Variants in CLPB observed in about 807,000 individuals in gnomAD.
CLPB encodes the protein ClpB family mitochondrial disaggregase.
In CLPB, 40 loss-of-function variants were observed where a neutral mutation model predicts 78.4. The observed-to-expected ratio is 0.51, with a 90% CI of 0.40 to 0.66. The LOEUF is 0.66. Ranked by LOEUF, CLPB falls within the 30% of genes least tolerant of loss-of-function variation. The pLI, the probability that CLPB is intolerant of heterozygous loss-of-function variation, is 0.00. For missense variants in CLPB, 780 were observed against 886.9 expected, an observed-to-expected ratio of 0.88 and a Z score of 1.53; for synonymous variants, 333 against 348.0, an observed-to-expected ratio of 0.96 and a Z score of 0.48.
chr11:72,338,312 T>C (rs1950358608), intron 5 of CLPB, among the ~76,000 whole-genome samples: 1 of 152,064 alleles, frequency 6.6e-6, no homozygotes, highest in South Asian at 2.1e-4. Context: ...GAGCAGAAGA[T>C]ACTACACTGA....
intron 3 of CLPB, among the ~76,000 whole-genome samples, chr11:72,394,862 A>G (rs1012984977): frequency 6.6e-6 from 1 of 152,110 alleles, no homozygotes; most frequent in African/African-American, 2.4e-5. Context: ...AATACTGGGT[A>G]CTGTCCTGCA....
intron 4 of CLPB, chr11:72,363,351 A>G (rs1167181379): frequency 2.0e-5 from 3 of 152,158 alleles, no homozygotes; most frequent in Admixed American, 2.0e-4. Context: ...TCTCTAGATA[A>G]CAAAAGCTTT....
At chr11:72,311,572 T>G (rs1949847957) in intron 7 of CLPB, among the ~76,000 whole-genome samples, 1 of 152,190 alleles carries the variant, frequency 6.6e-6, no homozygotes, top group Admixed American at 6.5e-5. Flanking sequence ...GAGCCTGCGC[T>G]GTACTATGGG....
At chr11:72,424,710 C>A (rs1856314656) in intron 2 of CLPB, among the ~76,000 whole-genome samples, 3 of 152,084 alleles carry the variant, frequency 2.0e-5, no homozygotes, top group Admixed American at 1.3e-4. Flanking sequence ...CATGGTGAAA[C>A]CCTGTCTCTT....
chr11:72,347,724 G>A (rs1950541810), intron 5 of CLPB, among the ~76,000 whole-genome samples: 1 of 152,194 alleles, frequency 6.6e-6, no homozygotes, highest in Non-Finnish European at 1.5e-5. Flanking sequence ...TTCTAACCCT[G>A]GAACCTGTGA....
chr11:72,425,848 A>G (rs1332348160), intron 2 of CLPB, among the ~76,000 whole-genome samples: 1 of 152,096 alleles, frequency 6.6e-6, no homozygotes, highest in Non-Finnish European at 1.5e-5. Context: ...TTTTAAGTCT[A>G]TGATCAGGTG....
chr11:72,393,041 C>T (rs182696458), intron 3 of CLPB, among the ~76,000 whole-genome samples: 47 of 152,220 alleles, frequency 3.1e-4, no homozygotes, highest in African/African-American at 1.1e-3. Context: ...AGTGGTGAAC[C>T]CAGACAGAGG....
At chr11:72,335,399 A>G (rs1285994524) in intron 5 of CLPB, among the ~76,000 whole-genome samples, 1 of 152,160 alleles carries the variant, frequency 6.6e-6, no homozygotes, top group Non-Finnish European at 1.5e-5. Flanking sequence ...ACGGGTGGTC[A>G]CTCGGGCTCC....
rs147396414 is a variant in CLPB at position 72,429,371 on chromosome 11, G to A, written c.455+941C>T. Among the ~76,000 whole-genome samples, 786 of 152,316 alleles carry A rather than the reference G, an allele frequency of 5.2e-3. 5 individuals are homozygous for A. Among genetic ancestry groups the A allele is most frequent in the Non-Finnish European group, 7.7e-3 (527 of 68,020 alleles). ...GATAAAATGAAAGGGAATCAAAGCA[G>A]TAAGTCTTGGTGGGGTGGGCTGCTT... On this transcript the variant is annotated intron_variant, in intron 2 of 15. Coordinates refer to ENST00000538039, the MANE Select transcript of CLPB (RefSeq NM_001258392.3).
chr11:72,336,347 T>A (rs1804507387), intron 5 of CLPB, among the ~76,000 whole-genome samples: 1 of 152,206 alleles, frequency 6.6e-6, no homozygotes, highest in South Asian at 2.1e-4. Context: ...CACACTGATC[T>A]TCTAGTGATA....
chr11:72,355,630 A>C (rs973083838), intron 5 of CLPB, among the ~76,000 whole-genome samples: 5 of 152,196 alleles, frequency 3.3e-5, no homozygotes, highest in African/African-American at 7.2e-5. Flanking sequence ...TAGGTGGGTA[A>C]ACTGGGATTC....
chr11:72,369,597 T>C (rs1003775577), intron 4 of CLPB, among the ~76,000 whole-genome samples: 1 of 152,172 alleles, frequency 6.6e-6, no homozygotes, highest in Non-Finnish European at 1.5e-5. Context: ...TCCTCTGCCT[T>C]TTCTTCAAGA....
chr11:72,302,397 A>G, intron 9 of CLPB, 49 bp from the exon 10 acceptor site: 1 of 1,562,214 alleles, frequency 6.4e-7, no homozygotes, highest in South Asian at 1.1e-5. Flanking sequence ...CAGGAAAGTG[A>G]AGAGAAGGGT....
intron 3 of CLPB, among the ~76,000 whole-genome samples, chr11:72,384,593 C>T (rs1855021520): frequency 6.6e-6 from 1 of 152,114 alleles, no homozygotes; most frequent in Non-Finnish European, 1.5e-5. Flanking sequence ...TCAATAATTG[C>T]CTTGAATGTA....
intron 3 of CLPB, among the ~76,000 whole-genome samples, chr11:72,384,525 T>C (rs1254589466): frequency 6.6e-6 from 1 of 151,994 alleles, no homozygotes; most frequent in Non-Finnish European, 1.5e-5. Context: ...AAGAGAGGAA[T>C]AATGGATCTA....
intron 2 of CLPB, among the ~76,000 whole-genome samples, chr11:72,408,963 C>T (rs1855794907): frequency 6.6e-6 from 1 of 152,188 alleles, no homozygotes; most frequent in Non-Finnish European, 1.5e-5. Context: ...GTGATTTTCA[C>T]CAATGGGCAA....
Position 72,294,603 on chromosome 11 carries a change from C to G in CLPB, c.1560+17G>C. On this transcript the variant is annotated intron_variant, in intron 13 of 15. Coordinates refer to ENST00000538039, the MANE Select transcript of CLPB (RefSeq NM_001258392.3). ...AACCTTAGGCTCCAGCAGGAAGTGC[C>G]AAGAAAGACCTCTTACTTTCAGGAT... 6.2e-7 allele frequency: 1 copy of G among 1,612,974 alleles called. No individual in the cohort carries two copies. Among genetic ancestry groups the G allele is most frequent in the Non-Finnish European group, 8.5e-7 (1 of 1,178,944 alleles).
chr11:72,346,047 GAAGACACGA>G (rs1056431966), intron 5 of CLPB, among the ~76,000 whole-genome samples: 1 of 152,204 alleles, frequency 6.6e-6, no homozygotes, highest in African/African-American at 2.4e-5. Context: ...TGAAATGTGT[GAAGACACGA>G]AAGAACCCGT....
At chr11:72,367,504 G>A (rs1950966196) in intron 4 of CLPB, among the ~76,000 whole-genome samples, 1 of 152,132 alleles carries the variant, frequency 6.6e-6, no homozygotes, top group Non-Finnish European at 1.5e-5. Flanking sequence ...GTGAGCCACT[G>A]TGCCCAGCCT....
Sources: allele counts gnomAD v4.1 joint callset (sites outside exome capture counted in the v4.1 genomes callset), GRCh38; gene constraint gnomAD v4.1.1; transcripts MANE v1.5; gene names NCBI Gene and HGNC (gene_info 2026-07-23, HGNC 2026-07-21).